Variants in NUBPL observed in about 807,000 individuals in gnomAD.
The protein encoded by NUBPL is NUBP iron-sulfur cluster assembly factor, mitochondrial.
In NUBPL, 31 loss-of-function variants were observed where a neutral mutation model predicts 45.7. The observed-to-expected ratio is 0.68, with a 90% CI of 0.51 to 0.92. The LOEUF (loss-of-function observed/expected upper bound fraction) is 0.92, where lower values mean the gene tolerates loss of function less well. NUBPL is among the 40% of genes least tolerant of loss of function. The pLI, the probability that NUBPL is intolerant of heterozygous loss-of-function variation, is 0.00. For missense variants in NUBPL, 401 were observed against 398.7 expected (o/e 1.01, Z -0.05); for synonymous variants, 144 against 140.9 (o/e 1.02, Z -0.15).
intron 4 of NUBPL, among the ~76,000 whole-genome samples, chr14:31,603,736 T>C (rs1038263434): frequency 1.1e-4 from 16 of 152,316 alleles, no homozygotes; most frequent in South Asian, 1.0e-3. Flanking sequence ...AGTAGTATAT[T>C]GCAAGTACCC....
chr14:31,779,370 CTCA>C (rs903470103), intron 6 of NUBPL, among the ~76,000 whole-genome samples: 1 of 151,916 alleles, frequency 6.6e-6, no homozygotes, highest in Non-Finnish European at 1.5e-5. Context: ...GAAAGAGAAC[CTCA>C]TCATTTGCTA....
At chr14:31,818,138 A>C (rs1012903747) in intron 7 of NUBPL, among the ~76,000 whole-genome samples, 5 of 152,184 alleles carry the variant, frequency 3.3e-5, no homozygotes, top group African/African-American at 4.8e-5. Context: ...ATATATATGC[A>C]CCCAATAAAG....
chr14:31,834,569 C>T (rs2040250813), intron 8 of NUBPL, among the ~76,000 whole-genome samples: 1 of 152,128 alleles, frequency 6.6e-6, no homozygotes, highest in Admixed American at 6.5e-5. Flanking sequence ...CTTTATGAGA[C>T]TGGATAGCAT....
At chr14:31,595,276 C>A (rs2139541403) in intron 3 of NUBPL, among the ~76,000 whole-genome samples, 1 of 152,268 alleles carries the variant, frequency 6.6e-6, no homozygotes, top group South Asian at 2.1e-4. Flanking sequence ...TTTGATCTAT[C>A]TTGTTTTATG....
rs148726144 is a variant in NUBPL at position 31,665,210 on chromosome 14, G to A, written c.383-8145G>A. The stretch of plus-strand genomic sequence containing the variant: ...TCATTGATTTTTTGAAGGGTTTTTC[G>A]TGTCTATCTCTTTCAGTTCTTCTCT... On this transcript the variant is annotated intron_variant, in intron 4 of 10. Transcript: ENST00000281081. 6.2e-4 allele frequency among the ~76,000 whole-genome samples: 94 copies of A among 151,980 alleles called. No individual in the cohort carries two copies. In the East Asian group the frequency reaches 8.7e-3, roughly 14 times the overall value.
chr14:31,677,117 A>G (rs1256528837), intron 6 of NUBPL, among the ~76,000 whole-genome samples: 1 of 152,162 alleles, frequency 6.6e-6, no homozygotes, highest in Non-Finnish European at 1.5e-5. Context: ...ACAGGCACTG[A>G]GTAATAATTG....
At chr14:31,684,609 T>G (rs961394490) in intron 6 of NUBPL, among the ~76,000 whole-genome samples, 3 of 152,212 alleles carry the variant, frequency 2.0e-5, no homozygotes, top group Non-Finnish European at 2.9e-5. Flanking sequence ...AGTTGAGAGA[T>G]TTCTTTCTAA....
chr14:31,640,329 G>C (rs1383638416), intron 4 of NUBPL, among the ~76,000 whole-genome samples: 1 of 152,144 alleles, frequency 6.6e-6, no homozygotes, highest in Admixed American at 6.5e-5. Flanking sequence ...TTTGGGGCCA[G>C]GCTTGGTGGC....
chr14:31,610,288 G>A (rs114987717), intron 4 of NUBPL, among the ~76,000 whole-genome samples: 221 of 152,182 alleles, frequency 1.5e-3, no homozygotes, highest in Middle Eastern at 0.014. Flanking sequence ...GTAAGTACAT[G>A]CCAATAAATT....
intron 7 of NUBPL, among the ~76,000 whole-genome samples, chr14:31,791,872 A>G (rs968435609): frequency 1.3e-4 from 20 of 152,310 alleles, no homozygotes; most frequent in Middle Eastern, 3.4e-3. Context: ...CTAATTCTTT[A>G]TGGACAGTAG....
At position 31,724,353 on chromosome 14, in the gene NUBPL, C is replaced by T. The variant is rs556072946; in HGVS notation, c.513+50779C>T. 3.9e-5 allele frequency among the ~76,000 whole-genome samples: 6 copies of T among 152,236 alleles called. No homozygotes were observed. In the East Asian group the frequency reaches 7.7e-4, roughly 20 times the overall value. On this transcript the variant is annotated intron_variant, in intron 6 of 10. Coordinates refer to ENST00000281081, the MANE Select transcript of NUBPL (RefSeq NM_025152.3). ...AATAAAATCACTTTAAAGGAAAAAC[C>T]GTAAGTTCTATGAGGAGTGGAATTC...
intron 4 of NUBPL, among the ~76,000 whole-genome samples, chr14:31,643,678 G>A (rs1445091398): frequency 3.3e-5 from 5 of 152,080 alleles, no homozygotes; most frequent in African/African-American, 1.2e-4. Flanking sequence ...CCGTTTGGAA[G>A]TATTCCCTCT....
chr14:31,811,446 T>C (rs1310170866), intron 7 of NUBPL, among the ~76,000 whole-genome samples: 2 of 152,224 alleles, frequency 1.3e-5, no homozygotes, highest in African/African-American at 4.8e-5. Context: ...ACATAGTTCT[T>C]GTGCCATGGT....
intron 6 of NUBPL, among the ~76,000 whole-genome samples, chr14:31,725,709 C>CTTTTTT (rs375160082): frequency 2.4e-4 from 25 of 104,966 alleles, no homozygotes; most frequent in African/African-American, 4.6e-4. Context: ...TAGATTTCAG[C>CTTTTTT]TTTTTTTTTT....
intron 6 of NUBPL, among the ~76,000 whole-genome samples, chr14:31,782,787 A>AAAAC (rs57928445): frequency 0.4 from 61,019 of 151,400 alleles, 13,816 homozygotes; most frequent in Non-Finnish European, 0.5. Context: ...CTCCGTCTAA[A>AAAAC]AAACAAACAA....
At chr14:31,683,978 T>G (rs369517946) in intron 6 of NUBPL, among the ~76,000 whole-genome samples, 11 of 152,292 alleles carry the variant, frequency 7.2e-5, no homozygotes, top group African/African-American at 2.2e-4. Flanking sequence ...AAGGTGGTTT[T>G]TTCTCTGGCA....
At chr14:31,810,967 G>C (rs933992973) in intron 7 of NUBPL, among the ~76,000 whole-genome samples, 1 of 152,172 alleles carries the variant, frequency 6.6e-6, no homozygotes, top group African/African-American at 2.4e-5. Flanking sequence ...CTGGCTTGTA[G>C]GGTTTCTGGC....
At chr14:31,797,876 T>G (rs1249386726) in intron 7 of NUBPL, among the ~76,000 whole-genome samples, 3 of 135,168 alleles carry the variant, frequency 2.2e-5, no homozygotes, top group Non-Finnish European at 4.7e-5. Flanking sequence ...CTGGTACCGG[T>G]TGTTCCTTTC....
intron 7 of NUBPL, among the ~76,000 whole-genome samples, chr14:31,811,291 A>G (rs2039800012): frequency 6.6e-6 from 1 of 152,082 alleles, no homozygotes; most frequent in African/African-American, 2.4e-5. Flanking sequence ...ACATAGTCTC[A>G]TATTTCTTGG....
Sources: gnomAD v4.1 joint callset for allele counts (sites outside exome capture counted in the v4.1 genomes callset) on GRCh38, gnomAD v4.1.1 for gene constraint, MANE v1.5 for transcripts, NCBI Gene and HGNC (gene_info 2026-07-23, HGNC 2026-07-21) for gene names.